The following SEMA4B variants were observed in gnomAD, a reference collection of about 807,000 sequenced individuals.
SEMA4B encodes semaphorin-4B.
In SEMA4B, 55 loss-of-function variants were observed where a neutral mutation model predicts 88.1. The observed-to-expected ratio is 0.62, with a 90% CI of 0.50 to 0.78. SEMA4B has a LOEUF of 0.78. SEMA4B is among the 30% of genes least tolerant of loss of function. The pLI is 0.00. For missense variants in SEMA4B, 1,062 were observed against 1,111.9 expected (o/e 0.96, Z 0.64); for synonymous variants, 525 against 473.6 (o/e 1.11, Z -1.41).
chr15:90,229,634 A>T lies in SEMA4B; in HGVS notation c.*991A>T. 3.0e-6 allele frequency: 1 copy of T among 336,570 alleles called. No individual in the cohort carries two copies. The highest frequency in any genetic ancestry group is 5.8e-6 in the Non-Finnish European group (1 of 171,548). 20.8% of individuals were successfully genotyped at this position (336,570 alleles called of 1,614,324 possible). ...TAAGATGCACTTTATGTCATTTTTTAATAAAGTCTGAAGAATTACTGTTTA... is the reference window on the plus strand; with the variant it reads ...TAAGATGCACTTTATGTCATTTTTTTATAAAGTCTGAAGAATTACTGTTTA... On this transcript the variant is annotated 3_prime_UTR_variant, in exon 14 of 14. Coordinates refer to ENST00000411539, the MANE Select transcript of SEMA4B (RefSeq NM_198925.4).
chr15:90,188,076 T>C (rs1307514701), intron 1 of SEMA4B, among the ~76,000 whole-genome samples: 1 of 150,822 alleles, frequency 6.6e-6, no homozygotes, highest in Admixed American at 6.6e-5. Context: ...CCCAGCACTT[T>C]GGGAGGCCAA....
At chr15:90,188,861 G>T (rs1295897292) in intron 1 of SEMA4B, among the ~76,000 whole-genome samples, 1 of 151,666 alleles carries the variant, frequency 6.6e-6, no homozygotes, top group African/African-American at 2.4e-5. Context: ...GTAGAGACGG[G>T]GTTTCACCAT....
At chr15:90,185,239 T>C (rs1403795430) in intron 1 of SEMA4B, among the ~76,000 whole-genome samples, 5 of 152,168 alleles carry the variant, frequency 3.3e-5, no homozygotes, top group African/African-American at 1.2e-4. Context: ...TGATGGGCAC[T>C]GGGGCCCGCC....
At chr15:90,210,070 G>A (rs1961190205) in intron 1 of SEMA4B, among the ~76,000 whole-genome samples, 1 of 152,230 alleles carries the variant, frequency 6.6e-6, no homozygotes, top group Admixed American at 6.5e-5. Flanking sequence ...ATGGTGCCAG[G>A]CTCAGGACTG....
Position 90,227,606 on chromosome 15 carries a change from G to T in SEMA4B, c.1738G>T (p.Ala580Ser). ...AGCCAGCGCCAAGGACCTTTGCAGC[G>T]CGTCTTCGGTTGTGTCCCCGTCTTT... ...EGASAKDLCS[A>S]SSVVSPSFVP... The change falls in exon 13 of 14, where the codon GCG becomes TCG. Residue 580 changes from alanine to serine, a missense_variant. Transcript: ENST00000411539. 6.2e-7 allele frequency: 1 copy of T among 1,613,996 alleles called. No homozygotes were observed. Among genetic ancestry groups the T allele is most frequent in the East Asian group, 2.2e-5 (1 of 44,876 alleles).
intron 12 of SEMA4B, 89 bp from the exon 13 acceptor site, chr15:90,227,468 T>C: frequency 8.2e-7 from 1 of 1,222,944 alleles, no homozygotes; most frequent in East Asian, 2.4e-5. Context: ...GGAAAGGCCC[T>C]TGCCCAGGCC....
chr15:90,194,458 C>G (rs1019436953), intron 1 of SEMA4B, among the ~76,000 whole-genome samples: 1 of 151,848 alleles, frequency 6.6e-6, no homozygotes, highest in African/African-American at 2.4e-5. Context: ...CTTGAACCCA[C>G]GAGGCAGAGG....
At chr15:90,196,871 G>A (rs886902476), upstream of SEMA4B, among the ~76,000 whole-genome samples, 3 of 152,132 alleles carry the variant, frequency 2.0e-5, no homozygotes, top group Non-Finnish European at 4.4e-5. Flanking sequence ...GGGTTTCACT[G>A]TGGACTAATG....
intron 1 of SEMA4B, among the ~76,000 whole-genome samples, chr15:90,194,551 A>G (rs576707417): frequency 6.6e-6 from 1 of 152,134 alleles, no homozygotes; most frequent in East Asian, 1.9e-4. Context: ...AACAAAAAAC[A>G]TATTGATCTG....
intron 1 of SEMA4B, among the ~76,000 whole-genome samples, chr15:90,195,955 C>G (rs1288668569): frequency 2.8e-5 from 3 of 106,726 alleles, no homozygotes; most frequent in African/African-American, 4.2e-5. Context: ...GAGTCTCGCT[C>G]TGTCACCAGG....
In SEMA4B at chr15:90,201,439, C is replaced by G; in HGVS notation, c.-140C>G. 1 of 1,298,342 alleles carries G rather than the reference C, an allele frequency of 7.7e-7. No individual in the cohort carries two copies. The allele number at this position is 1,298,342 out of a possible 1,614,324, so 80.4% of individuals were successfully genotyped here. On this transcript the variant is annotated 5_prime_UTR_variant, in exon 1 of 14. Transcript: ENST00000411539. ...TGCCAGGGCCCACTTGACCCTGTTT[C>G]CCACCTCCCGCCCCCCAGGTCCGGA...
At chr15:90,202,089 TC>T (rs1474543007) in intron 1 of SEMA4B, among the ~76,000 whole-genome samples, 1 of 152,200 alleles carries the variant, frequency 6.6e-6, no homozygotes, top group Non-Finnish European at 1.5e-5. Flanking sequence ...CGAGGGCGGC[TC>T]GGGGTAGAGG....
At chr15:90,199,119 C>T (rs1960611282), upstream of SEMA4B, among the ~76,000 whole-genome samples, 1 of 152,150 alleles carries the variant, frequency 6.6e-6, no homozygotes, top group Admixed American at 6.5e-5. Flanking sequence ...AGTGATCTGC[C>T]CGCCTCGGCC....
chr15:90,228,261 A>G lies in SEMA4B; in HGVS notation c.2132A>G (p.Asp711Gly). Residue 711 changes from aspartate (D) to glycine (G), a missense_variant, in exon 14 of 14, where the codon GAC becomes GGC. Asp to Gly is a moderately conservative substitution (Grantham distance 94, BLOSUM62 -1). Transcript: ENST00000411539. ...PAGGKASWGA[D>G]RSYWKEFLVM... ...GGTGGCAAGGCCAGCTGGGGTGCAG[A>G]CAGGTCCTACTGGAAGGAGTTCCTG... 2 of 1,594,066 alleles carry G rather than the reference A, an allele frequency of 1.3e-6. No individual in the cohort carries two copies. The highest frequency in any genetic ancestry group is 1.7e-6 in the Non-Finnish European group (2 of 1,169,376).
At chr15:90,216,155 ATT>A (rs1221505584) in intron 1 of SEMA4B, among the ~76,000 whole-genome samples, 1 of 151,872 alleles carries the variant, frequency 6.6e-6, no homozygotes, top group Non-Finnish European at 1.5e-5. Context: ...CGCCTGGCTA[ATT>A]TTATATTTTT....
rs1203237482 is a variant in SEMA4B at position 90,201,427 on chromosome 15, T to A, written c.-152T>A. 1 of 1,295,362 alleles carries A rather than the reference T, an allele frequency of 7.7e-7. No individual in the cohort carries two copies. The highest frequency in any genetic ancestry group is 4.3e-5 in the Admixed American group (1 of 23,472). 80.2% of individuals were successfully genotyped at this position (1,295,362 alleles called of 1,614,324 possible). The stretch of plus-strand genomic sequence containing the variant: ...AGGGGCTGAGTTTGCCAGGGCCCAC[T>A]TGACCCTGTTTCCCACCTCCCGCCC... On this transcript the variant is annotated 5_prime_UTR_variant, in exon 1 of 14. The change creates a new upstream start codon in the 5' untranslated region. Coordinates refer to ENST00000411539, the MANE Select transcript of SEMA4B (RefSeq NM_198925.4).
At chr15:90,199,518 G>A (rs2151590593), upstream of SEMA4B, among the ~76,000 whole-genome samples, 2 of 152,194 alleles carry the variant, frequency 1.3e-5, no homozygotes, top group Middle Eastern at 6.8e-3. Context: ...ATGGTTTTCA[G>A]ACAGCCAAGT....
chr15:90,203,113 G>C (rs917314711), intron 1 of SEMA4B, among the ~76,000 whole-genome samples: 1 of 152,222 alleles, frequency 6.6e-6, no homozygotes, highest in African/African-American at 2.4e-5. Context: ...TTGAAAAGTC[G>C]TTAGGACAGG....
chr15:90,197,841 A>G (rs1349560087), upstream of SEMA4B, among the ~76,000 whole-genome samples: 1 of 152,152 alleles, frequency 6.6e-6, no homozygotes, highest in East Asian at 1.9e-4. Context: ...ATGTATGATA[A>G]TAGAATCAGT....
Sources: allele counts gnomAD v4.1 joint callset (sites outside exome capture counted in the v4.1 genomes callset), GRCh38; gene constraint gnomAD v4.1.1; transcripts MANE v1.5; gene names NCBI Gene and HGNC (gene_info 2026-07-23, HGNC 2026-07-21).